Variants in CNTN4 observed in about 807,000 individuals in gnomAD.
CNTN4 encodes contactin 4.
CNTN4 carries 77 observed loss-of-function variants against 122.5 expected under a neutral mutation model. The ratio of observed to expected loss-of-function variants is 0.63; its 90% CI spans 0.52 to 0.76. CNTN4 has a LOEUF of 0.76. Ranked by LOEUF, CNTN4 falls within the 30% of genes least tolerant of loss-of-function variation. The pLI is 0.00. For synonymous variants in CNTN4, 512 were observed against 447.0 expected, an observed-to-expected ratio of 1.15 and a Z score of -1.83; for missense variants, 1,256 against 1,259.1, an observed-to-expected ratio of 1.00 and a Z score of 0.04.
chr3:2,429,557 C>T (rs978682017), intron 3 of CNTN4, among the ~76,000 whole-genome samples: 4 of 152,184 alleles, frequency 2.6e-5, no homozygotes, highest in East Asian at 1.9e-4. Flanking sequence ...GCAGTCTGTC[C>T]GTTCTCAGAT....
intron 2 of CNTN4, among the ~76,000 whole-genome samples, chr3:2,238,435 T>A (rs930805441): frequency 2.0e-5 from 3 of 151,914 alleles, no homozygotes; most frequent in Admixed American, 1.3e-4. Context: ...TAATAGAAAA[T>A]TTTTAATCAT....
At chr3:2,286,010 A>C (rs1393399875) in intron 2 of CNTN4, among the ~76,000 whole-genome samples, 1 of 152,118 alleles carries the variant, frequency 6.6e-6, no homozygotes, top group African/African-American at 2.4e-5. Flanking sequence ...TTACGGCATT[A>C]ATACATTTTC....
chr3:2,591,636 T>G (rs551955700), intron 4 of CNTN4, among the ~76,000 whole-genome samples: 20 of 51,792 alleles, frequency 3.9e-4, no homozygotes, highest in South Asian at 8.2e-4. Context: ...AGTGCTGGGA[T>G]TACAGGCGTG....
intron 6 of CNTN4, among the ~76,000 whole-genome samples, chr3:2,747,447 A>G (rs1576646598): frequency 2.1e-5 from 3 of 143,594 alleles, no homozygotes; most frequent in Admixed American, 1.5e-4. Flanking sequence ...ATAAAATACT[A>G]TACCCAAACT....
rs543733606 is a variant in CNTN4 at position 2,591,607 on chromosome 3, G to A, written c.55+20049G>A. Among the ~76,000 whole-genome samples the A allele has an allele frequency of 3.5e-4, 18 of 51,556 alleles. 4 individuals are homozygous for A. The highest frequency in any genetic ancestry group is 1.5e-3 in the Admixed American group (10 of 6,648). 33.8% of individuals were successfully genotyped at this position (51,556 alleles called of 152,430 possible). A position where few individuals can be genotyped will look rare whatever the true frequency, so the allele number is the denominator to read the frequency against. ...TCTCGATCTCCTGACCTCGTGATCC[G>A]CCCGCCTCGGCCTCCCAAAGTGCTG... On this transcript the variant is annotated intron_variant, in intron 4 of 24. Coordinates refer to ENST00000418658, the MANE Select transcript of CNTN4 (RefSeq NM_175607.3).
chr3:2,789,825 G>A (rs1053809718), intron 6 of CNTN4, among the ~76,000 whole-genome samples: 8 of 152,186 alleles, frequency 5.3e-5, no homozygotes, highest in African/African-American at 1.9e-4. Flanking sequence ...AGGAGACCTG[G>A]AAAAGTATAT....
At chr3:2,409,288 C>T (rs1205735322) in intron 3 of CNTN4, among the ~76,000 whole-genome samples, 1 of 148,860 alleles carries the variant, frequency 6.7e-6, no homozygotes, top group Non-Finnish European at 1.5e-5. Flanking sequence ...CGCTCTGTCG[C>T]CCAGGCTGGA....
At chr3:2,330,107 G>A (rs1575390618) in intron 2 of CNTN4, among the ~76,000 whole-genome samples, 2 of 152,104 alleles carry the variant, frequency 1.3e-5, no homozygotes, top group South Asian at 2.1e-4. Context: ...TCCCATGACC[G>A]CCTCCTTGGG....
chr3:3,009,477 AG>A (rs1341666685), intron 14 of CNTN4, among the ~76,000 whole-genome samples: 2 of 151,654 alleles, frequency 1.3e-5, no homozygotes, highest in African/African-American at 2.4e-5. Flanking sequence ...TCTGTCGCCC[AG>A]GCTGGAGTGC....
intron 2 of CNTN4, among the ~76,000 whole-genome samples, chr3:2,277,603 C>T (rs1489333308): frequency 3.3e-5 from 5 of 152,226 alleles, no homozygotes; most frequent in South Asian, 2.1e-4. Context: ...GTTGCATATC[C>T]GTACGTGAAA....
Position 2,289,956 on chromosome 3 carries a change from A to G in CNTN4, c.-144-49222A>G, listed in dbSNP as rs1176472190. Among the ~76,000 whole-genome samples the G allele has an allele frequency of 2.6e-5, 4 of 151,966 alleles. No homozygotes were observed. The Admixed American group carries it at 2.6e-4, about 10-fold the overall frequency. On this transcript the variant is annotated intron_variant, in intron 2 of 24. Transcript: ENST00000418658. ...TTGGAGGCATAGTTTTCAGGGTTAC[A>G]GAATGTTCATTATTAGTATTTAGTA...
chr3:2,432,357 G>T (rs547360641), intron 3 of CNTN4, among the ~76,000 whole-genome samples: 2 of 152,306 alleles, frequency 1.3e-5, no homozygotes, highest in Admixed American at 6.5e-5. Flanking sequence ...TGTGTATTCT[G>T]TTGGAAGAAA....
intron 4 of CNTN4, among the ~76,000 whole-genome samples, chr3:2,645,378 T>C (rs2083073859): frequency 6.6e-6 from 1 of 152,210 alleles, no homozygotes; most frequent in South Asian, 2.1e-4. Context: ...ACTTACAATA[T>C]AGCTTTTCCA....
intron 14 of CNTN4, among the ~76,000 whole-genome samples, chr3:2,989,903 T>C (rs753950829): frequency 6.6e-6 from 1 of 152,216 alleles, no homozygotes; most frequent in Non-Finnish European, 1.5e-5. Flanking sequence ...TGGGATCTGT[T>C]ATAGATTATT....
intron 4 of CNTN4, among the ~76,000 whole-genome samples, chr3:2,733,071 A>G (rs1286445060): frequency 6.6e-6 from 1 of 152,250 alleles, no homozygotes. Context: ...TTGCATGGCT[A>G]CATTGAGAAA....
chr3:2,279,755 A>G (rs1256186763), intron 2 of CNTN4, among the ~76,000 whole-genome samples: 2 of 151,744 alleles, frequency 1.3e-5, no homozygotes, highest in Non-Finnish European at 2.9e-5. Flanking sequence ...TATATATGAT[A>G]TATATGTGAT....
chr3:2,103,374 T>A (rs1400026116), intron 2 of CNTN4, among the ~76,000 whole-genome samples: 1 of 152,144 alleles, frequency 6.6e-6, no homozygotes, highest in Non-Finnish European at 1.5e-5. Context: ...CCTACCAGGA[T>A]CAGGAGCAGA....
chr3:2,243,818 G>A (rs140802754), intron 2 of CNTN4, among the ~76,000 whole-genome samples: 3 of 152,018 alleles, frequency 2.0e-5, no homozygotes, highest in Non-Finnish European at 2.9e-5. Flanking sequence ...ATTTGATAGA[G>A]TAATCAGTGT....
At position 2,820,961 on chromosome 3, in the gene CNTN4, C is replaced by CTTTTTTTTTTTTTTTTTTTTTTTT. The variant is rs67731967; in HGVS notation, c.454+1398_454+1399insTTTTTTTTTTTTTTTTTTTTTTTT. Among the ~76,000 whole-genome samples, 4 of 107,580 alleles carry CTTTTTTTTTTTTTTTTTTTTTTTT rather than the reference C, an allele frequency of 3.7e-5. 1 individual carries two copies. Among genetic ancestry groups the CTTTTTTTTTTTTTTTTTTTTTTTT allele is most frequent in the African/African-American group, 1.5e-4 (4 of 26,464 alleles). 70.6% of individuals were successfully genotyped at this position (107,580 alleles called of 152,430 possible). On this transcript the variant is annotated intron_variant, in intron 7 of 24. Coordinates refer to ENST00000418658, the MANE Select transcript of CNTN4 (RefSeq NM_175607.3). ...TTCTCACATGCAACATTTTCTCTTT[C>CTTTTTTTTTTTTTTTTTTTTTTTT]TTTTTTTTTTTTTTTTTTGAGACAG... is the stretch of plus-strand genomic sequence containing the variant.
Sources: allele counts gnomAD v4.1 joint callset (sites outside exome capture counted in the v4.1 genomes callset), GRCh38; gene constraint gnomAD v4.1.1; transcripts MANE v1.5; gene names NCBI Gene and HGNC (gene_info 2026-07-23, HGNC 2026-07-21).